GREB1L: variants seen among roughly 807,000 people sequenced by gnomAD.
The protein encoded by GREB1L is GREB1-like protein.
A neutral mutation model predicts 200.8 loss-of-function variants in GREB1L; 17 were observed. The observed-to-expected ratio is 0.08, with a 90% CI of 0.06 to 0.13. The LOEUF (loss-of-function observed/expected upper bound fraction) is 0.13, where lower values mean the gene tolerates loss of function less well. Ranked by LOEUF, GREB1L falls within the 10% of genes least tolerant of loss-of-function variation. The pLI is 1.00. For missense variants in GREB1L, 1,657 were observed against 2,367.7 expected (o/e 0.70, Z 6.23); for synonymous variants, 789 against 893.0 (o/e 0.88, Z 2.08).
At chr18:21,293,753 A>T (rs181850813) in intron 1 of GREB1L, among the ~76,000 whole-genome samples, 1 of 152,274 alleles carries the variant, frequency 6.6e-6, no homozygotes, top group East Asian at 1.9e-4. Context: ...CCATTAGATT[A>T]TAATAGTGCT....
intron 1 of GREB1L, among the ~76,000 whole-genome samples, chr18:21,310,474 GA>G (rs1182930159): frequency 6.6e-6 from 1 of 152,148 alleles, no homozygotes; most frequent in Non-Finnish European, 1.5e-5. Flanking sequence ...TTTCATGTCT[GA>G]CTTACTAGAA....
chr18:21,465,080 C>A lies in GREB1L; in HGVS notation c.2183-7951C>A, dbSNP rs2035214022. Among the ~76,000 whole-genome samples the A allele has an allele frequency of 2.0e-5, 3 of 152,196 alleles. No homozygotes were observed. In the South Asian group the frequency reaches 6.2e-4, roughly 32 times the overall value. On this transcript the variant is annotated intron_variant, in intron 15 of 32. Transcript: ENST00000424526. ...TCAAACTAATGAACATATCCATTAC[C>A]TCACATACTTATTATTTGTTTGTGG...
At position 21,524,886 on chromosome 18, in the gene GREB1L, T is replaced by C. The variant is rs1208349416; in HGVS notation, c.*2065T>C. ...ATGGAGAAATTGATCTGCCTATTCT[T>C]TTCAAAGCCTATCTTACTAATGTTT... On this transcript the variant is annotated 3_prime_UTR_variant, in exon 33 of 33. Coordinates refer to ENST00000424526, the MANE Select transcript of GREB1L (RefSeq NM_001142966.3). 6.6e-6 allele frequency: 1 copy of C among 151,874 alleles called. No individual in the cohort carries two copies. Among genetic ancestry groups the C allele is most frequent in the East Asian group, 1.9e-4 (1 of 5,198 alleles). 9.4% of individuals were successfully genotyped at this position (151,874 alleles called of 1,614,324 possible). A position where few individuals can be genotyped will look rare whatever the true frequency, so the allele number is the denominator to read the frequency against.
chr18:21,463,995 A>G (rs191949801), intron 15 of GREB1L, among the ~76,000 whole-genome samples: 1 of 152,242 alleles, frequency 6.6e-6, no homozygotes, highest in Admixed American at 6.5e-5. Flanking sequence ...TTCTAGCGTC[A>G]CAAGGAATGA....
rs8089044 is a variant in GREB1L at position 21,287,421 on chromosome 18, G to A, written c.-120+45028G>A. On this transcript the variant is annotated intron_variant, in intron 1 of 32. Transcript: ENST00000424526. Reference sequence around the variant, plus strand: ...TCCTTGATAAATGGCCCAGATATTTGCAGTTGTCTTTTATCAAGCATTCAT... The same window carrying A: ...TCCTTGATAAATGGCCCAGATATTTACAGTTGTCTTTTATCAAGCATTCAT... 4.0e-3 allele frequency among the ~76,000 whole-genome samples: 602 copies of A among 152,222 alleles called. 3 individuals are homozygous for A. The highest frequency in any genetic ancestry group is 0.014 in the African/African-American group (582 of 41,518).
Position 21,506,816 on chromosome 18 carries a change from G to A in GREB1L, c.4368+867G>A, listed in dbSNP as rs562118101. 2.8e-4 allele frequency among the ~76,000 whole-genome samples: 43 copies of A among 152,340 alleles called. 1 individual carries two copies. The highest frequency in any genetic ancestry group is 2.5e-3 in the Admixed American group (39 of 15,296). On this transcript the variant is annotated intron_variant, in intron 25 of 32. Transcript: ENST00000424526. Reference sequence around the variant, plus strand: ...AACATGGGCCAATAACCCTTAGTATGTGGCTTCTTTTTGGCTAGTGCATCT... The same window carrying A: ...AACATGGGCCAATAACCCTTAGTATATGGCTTCTTTTTGGCTAGTGCATCT...
chr18:21,475,858 A>G (rs571451039), intron 16 of GREB1L, among the ~76,000 whole-genome samples: 21 of 150,792 alleles, frequency 1.4e-4, no homozygotes, highest in African/African-American at 4.6e-4. Flanking sequence ...AATCCCAGCT[A>G]CTAGGGAGGC....
chr18:21,331,245 T>G (rs1350624364), intron 1 of GREB1L, among the ~76,000 whole-genome samples: 1 of 152,204 alleles, frequency 6.6e-6, no homozygotes, highest in Non-Finnish European at 1.5e-5. Context: ...CTATCAATCA[T>G]GCAGAGATTT....
At chr18:21,295,240 C>A (rs944940799) in intron 1 of GREB1L, among the ~76,000 whole-genome samples, 28 of 152,178 alleles carry the variant, frequency 1.8e-4, no homozygotes, top group Non-Finnish European at 1.5e-5. Flanking sequence ...GAATGGGCTC[C>A]TGTGACCATC....
intron 1 of GREB1L, among the ~76,000 whole-genome samples, chr18:21,287,994 G>A (rs2038385507): frequency 6.6e-6 from 1 of 151,828 alleles, no homozygotes; most frequent in Non-Finnish European, 1.5e-5. Flanking sequence ...TAGTAGAGAT[G>A]GGGTTTCATC....
chr18:21,520,902 A>G (rs2037581503), intron 32 of GREB1L, 79 bp downstream of exon 32: 29 of 1,321,686 alleles, frequency 2.2e-5, no homozygotes, highest in Non-Finnish European at 2.9e-5. Flanking sequence ...GATATTTTTA[A>G]AAAGCACTTG....
intron 4 of GREB1L, 105 bp downstream of exon 4, chr18:21,384,508 G>T (rs547201679): frequency 2.4e-6 from 2 of 831,608 alleles, no homozygotes; most frequent in Non-Finnish European, 3.7e-6. Context: ...AGTAATTATC[G>T]TATGGAGAGG....
At chr18:21,347,560 A>G (rs2039366413) in intron 1 of GREB1L, among the ~76,000 whole-genome samples, 1 of 151,388 alleles carries the variant, frequency 6.6e-6, no homozygotes, top group African/African-American at 2.4e-5. Context: ...GATTCAAACA[A>G]TTCTCCTGCC....
intron 15 of GREB1L, chr18:21,454,788 G>A (rs1205144033): frequency 1.8e-6 from 1 of 548,166 alleles, no homozygotes; most frequent in African/African-American, 1.9e-5. Flanking sequence ...TGTTTGCCAG[G>A]TATCATTAAG....
rs796395198 is a variant in GREB1L at position 21,359,706 on chromosome 18, AC to A, written c.-119-6320del. Among the ~76,000 whole-genome samples the A allele has an allele frequency of 7.2e-5, 11 of 152,336 alleles. No individual in the cohort carries two copies. The East Asian group carries it at 7.7e-4, about 11-fold the overall frequency. On this transcript the variant is annotated intron_variant, in intron 1 of 32. Coordinates refer to ENST00000424526, the MANE Select transcript of GREB1L (RefSeq NM_001142966.3). ...GCTTCTTCTTTGAGGTCTAAATAGC[AC>A]TTAACAGTCTATTGCACTGAATAAA... is the stretch of plus-strand genomic sequence containing the variant.
chr18:21,506,051 C>T (rs367873254), intron 25 of GREB1L, 102 bp downstream of exon 25: 2 of 1,229,604 alleles, frequency 1.6e-6, no homozygotes, highest in South Asian at 1.7e-5. Flanking sequence ...AGTTTCAGGC[C>T]TCTGGTAAAG....
intron 1 of GREB1L, among the ~76,000 whole-genome samples, chr18:21,253,299 C>T (rs935307856): frequency 7.1e-6 from 1 of 141,818 alleles, no homozygotes; most frequent in Middle Eastern, 3.9e-3. Flanking sequence ...GTCGCCCAGG[C>T]TGGAATGCAA....
At chr18:21,327,374 A>C (rs950193856) in intron 1 of GREB1L, among the ~76,000 whole-genome samples, 4 of 152,110 alleles carry the variant, frequency 2.6e-5, no homozygotes, top group African/African-American at 9.7e-5. Context: ...TTGGGTCACT[A>C]AACCCTGTCG....
chr18:21,450,982 G>A (rs2034493955), intron 12 of GREB1L, 41 bp from the exon 13 acceptor site: 1 of 1,535,898 alleles, frequency 6.5e-7, no homozygotes, highest in African/African-American at 1.4e-5. Context: ...AGCAACATTT[G>A]TTCTGTTGAT....
Sources: allele counts gnomAD v4.1 joint callset (sites outside exome capture counted in the v4.1 genomes callset), GRCh38; gene constraint gnomAD v4.1.1; transcripts MANE v1.5; gene names NCBI Gene and HGNC (gene_info 2026-07-23, HGNC 2026-07-21).